The following DLGAP1 variants were observed in gnomAD, a reference collection of about 807,000 sequenced individuals.
The protein encoded by DLGAP1 is disks large-associated protein 1.
In DLGAP1, 11 loss-of-function variants were observed where a neutral mutation model predicts 90.8. The ratio of observed to expected loss-of-function variants is 0.12; its 90% CI spans 0.08 to 0.20. The LOEUF (loss-of-function observed/expected upper bound fraction) is 0.20. Ranked by LOEUF, DLGAP1 falls within the 10% of genes least tolerant of loss-of-function variation. The pLI, the probability that DLGAP1 is intolerant of heterozygous loss-of-function variation, is 1.00. For synonymous variants in DLGAP1, 558 were observed against 540.7 expected (o/e 1.03, Z -0.44); for missense variants, 1,050 against 1,333.8 (o/e 0.79, Z 3.31).
chr18:3,741,123 A>T (rs1368827784), intron 6 of DLGAP1, among the ~76,000 whole-genome samples: 1 of 113,688 alleles, frequency 8.8e-6, no homozygotes, highest in Non-Finnish European at 1.8e-5. Context: ...CACCACCATC[A>T]CCACCACCAC....
intron 8 of DLGAP1, 48 bp downstream of exon 8, chr18:3,581,827 C>G: frequency 6.3e-7 from 1 of 1,594,570 alleles, no homozygotes; most frequent in Middle Eastern, 1.8e-4. Context: ...GTGTTACATT[C>G]CTTAGTTTTA....
intron 3 of DLGAP1, chr18:3,894,636 T>A (rs372624506): frequency 1.3e-5 from 2 of 152,232 alleles, no homozygotes; most frequent in East Asian, 1.9e-4. Flanking sequence ...AGCTTTGTTC[T>A]TTTTGCTTAG....
intron 7 of DLGAP1, among the ~76,000 whole-genome samples, chr18:3,640,947 G>A (rs1599679372): frequency 6.6e-6 from 1 of 152,160 alleles, no homozygotes; most frequent in Admixed American, 6.5e-5. Context: ...GCACAGAGAA[G>A]TCAGTTTATT....
intron 1 of DLGAP1, among the ~76,000 whole-genome samples, chr18:4,448,512 C>A (rs17437778): frequency 0.24 from 36,277 of 152,068 alleles, 5,363 homozygotes; most frequent in Non-Finnish European, 0.32. Context: ...CTATAAAGCA[C>A]ATGCAAATCT....
chr18:3,745,565 C>A (rs112685501), intron 5 of DLGAP1, among the ~76,000 whole-genome samples: 138 of 151,862 alleles, frequency 9.1e-4, no homozygotes, highest in African/African-American at 3.2e-3. Flanking sequence ...AGAATCCACA[C>A]GAAAATTAAA....
chr18:4,010,454 T>TG (rs1217976766), intron 2 of DLGAP1, among the ~76,000 whole-genome samples: 1 of 151,844 alleles, frequency 6.6e-6, no homozygotes, highest in African/African-American at 2.4e-5. Context: ...AGGCTGAGGT[T>TG]GGGGGAATGC....
chr18:4,379,261 G>A (rs2082072007), intron 1 of DLGAP1, among the ~76,000 whole-genome samples: 1 of 152,168 alleles, frequency 6.6e-6, no homozygotes, highest in Non-Finnish European at 1.5e-5. Flanking sequence ...AAGAAGAGTA[G>A]AGGAGATGGG....
chr18:4,189,523 C>T (rs2077356779), intron 1 of DLGAP1, among the ~76,000 whole-genome samples: 1 of 152,090 alleles, frequency 6.6e-6, no homozygotes, highest in African/African-American at 2.4e-5. Flanking sequence ...ACTCAACATT[C>T]TTAAGATGCC....
At chr18:4,267,732 T>A (rs574279321) in intron 1 of DLGAP1, among the ~76,000 whole-genome samples, 2 of 152,302 alleles carry the variant, frequency 1.3e-5, no homozygotes, top group South Asian at 2.1e-4. Flanking sequence ...AGCTGTCAGC[T>A]GGGGCTGCAG....
chr18:4,254,052 T>G (rs537173919), intron 1 of DLGAP1, among the ~76,000 whole-genome samples: 1 of 152,274 alleles, frequency 6.6e-6, no homozygotes, highest in Non-Finnish European at 1.5e-5. Flanking sequence ...GCACAATAAC[T>G]TTGAAGATCA....
Position 3,772,341 on chromosome 18 carries a change from TC to T in DLGAP1, c.1173-29830del, listed in dbSNP as rs1568108236. Among the ~76,000 whole-genome samples, 357 of 58,274 alleles carry T rather than the reference TC, an allele frequency of 6.1e-3. 7 individuals carry two copies. Among genetic ancestry groups the T allele is most frequent in the Middle Eastern group, 0.044 (7 of 160 alleles). 38.2% of individuals were successfully genotyped at this position (58,274 alleles called of 152,430 possible). ...TCCTTCCTTTCTCTCCTTCTCTCTC[TC>T]TCTCTCTTTCTTTCTTTCTTTCTTT... On this transcript the variant is annotated intron_variant, in intron 5 of 12. Coordinates refer to ENST00000315677, the MANE Select transcript of DLGAP1 (RefSeq NM_004746.4).
At chr18:3,528,344 C>G (rs1222769767) in intron 10 of DLGAP1, among the ~76,000 whole-genome samples, 6 of 152,150 alleles carry the variant, frequency 3.9e-5, no homozygotes. Flanking sequence ...TACCGCCCCT[C>G]TTACAAAAAA....
At chr18:4,432,026 G>A (rs1431516138) in intron 1 of DLGAP1, among the ~76,000 whole-genome samples, 10 of 152,066 alleles carry the variant, frequency 6.6e-5, no homozygotes, top group Admixed American at 5.9e-4. Context: ...TACAACTTCC[G>A]TTTTTTTATT....
rs73941451 is a variant in DLGAP1, at chr18:4,349,706, C to T, written c.-267+105300G>A. On this transcript the variant is annotated intron_variant, in intron 1 of 12. Transcript: ENST00000315677. Reference sequence around the variant, plus strand: ...GGCATAGTGTGTCATTCCATTTATACGAAATTAAAAAAACCGATAACATGA... The same window carrying T: ...GGCATAGTGTGTCATTCCATTTATATGAAATTAAAAAAACCGATAACATGA... Among the ~76,000 whole-genome samples the T allele has an allele frequency of 6.1e-3, 923 of 151,532 alleles. 7 individuals are homozygous for T. Among genetic ancestry groups the T allele is most frequent in the African/African-American group, 0.019 (805 of 41,300 alleles).
chr18:4,325,322 A>G (rs519227), intron 1 of DLGAP1, among the ~76,000 whole-genome samples: 78,925 of 151,922 alleles, frequency 0.52, 21,549 homozygotes, highest in African/African-American at 0.7. Context: ...AGATCTATAC[A>G]ATGATAATTA....
At chr18:4,173,035 T>A (rs1327384230) in intron 1 of DLGAP1, among the ~76,000 whole-genome samples, 1 of 152,208 alleles carries the variant, frequency 6.6e-6, no homozygotes, top group African/African-American at 2.4e-5. Flanking sequence ...TTTTCCACAA[T>A]TTTTTAAAAG....
At chr18:4,153,212 T>A (rs2076703022) in intron 1 of DLGAP1, among the ~76,000 whole-genome samples, 1 of 152,250 alleles carries the variant, frequency 6.6e-6, no homozygotes, top group South Asian at 2.1e-4. Flanking sequence ...ATCAGAGTCA[T>A]CTGGAAATTT....
intron 5 of DLGAP1, among the ~76,000 whole-genome samples, chr18:3,790,446 G>T (rs34296117): frequency 0.12 from 18,828 of 151,710 alleles, 1,272 homozygotes; most frequent in Middle Eastern, 0.17. Context: ...TTTTAAAATT[G>T]TGTGTAGAGA....
At chr18:4,245,778 T>C (rs923408955) in intron 1 of DLGAP1, among the ~76,000 whole-genome samples, 2 of 148,504 alleles carry the variant, frequency 1.3e-5, no homozygotes, top group East Asian at 1.9e-4. Context: ...GGAGCATTTA[T>C]ATCAATGAAA....
Sources: gnomAD v4.1 joint callset for allele counts (sites outside exome capture counted in the v4.1 genomes callset) on GRCh38, gnomAD v4.1.1 for gene constraint, MANE v1.5 for transcripts, NCBI Gene and HGNC (gene_info 2026-07-23, HGNC 2026-07-21) for gene names.